The following TASOR variants were observed in gnomAD, a reference collection of about 807,000 sequenced individuals.
TASOR encodes the protein protein TASOR.
Under a neutral mutation model 178.6 loss-of-function variants are expected in TASOR, and 53 were observed. The ratio of observed to expected loss-of-function variants is 0.30; its 90% CI spans 0.24 to 0.37. TASOR has a LOEUF of 0.37. TASOR is among the 10% of genes least tolerant of loss of function. The pLI is 1.00. For missense variants in TASOR, 1,815 were observed against 1,971.4 expected (o/e 0.92, Z 1.50); for synonymous variants, 713 against 696.2 (o/e 1.02, Z -0.38).
intron 11 of TASOR, among the ~76,000 whole-genome samples, chr3:56,653,188 G>C (rs1192433597): frequency 6.8e-6 from 1 of 147,768 alleles, no homozygotes; most frequent in Non-Finnish European, 1.5e-5. Context: ...GCTTGAACCC[G>C]GGAGGTGGAG....
At chr3:56,676,416 T>A (rs1422770137) in intron 1 of TASOR, among the ~76,000 whole-genome samples, 1 of 152,204 alleles carries the variant, frequency 6.6e-6, no homozygotes, top group Non-Finnish European at 1.5e-5. Flanking sequence ...ACCTGTGTTA[T>A]GGAACGTAGG....
At chr3:56,631,106 T>C (rs529033522) in intron 18 of TASOR, among the ~76,000 whole-genome samples, 1 of 152,282 alleles carries the variant, frequency 6.6e-6, no homozygotes, top group Non-Finnish European at 1.5e-5. Flanking sequence ...CATTCAGTCA[T>C]GTAGGGCAAA....
rs1208373954 is a variant in TASOR at position 56,652,316 on chromosome 3, A to C, written c.1369-3259T>G. 2.6e-5 allele frequency among the ~76,000 whole-genome samples: 4 copies of C among 152,288 alleles called. No homozygotes were observed. The South Asian group carries it at 6.2e-4, about 24-fold the overall frequency. ...CTAAAATGGCTGGGCACGGTGGTGC[A>C]CACCTGTAATCCCAGCACTCTGGGA... On this transcript the variant is annotated intron_variant, in intron 11 of 23. Coordinates refer to ENST00000683822, the MANE Select transcript of TASOR (RefSeq NM_001365635.2).
chr3:56,627,311 AATAAT>A (rs1178993800), intron 20 of TASOR, among the ~76,000 whole-genome samples, 166 bp from the exon 21 acceptor site: 2 of 152,164 alleles, frequency 1.3e-5, no homozygotes, highest in African/African-American at 2.4e-5. Flanking sequence ...CTAAAGCTCT[AATAAT>A]ATAACATCTA....
In TASOR at chr3:56,621,959, T is replaced by C; in HGVS notation, c.*1078A>G. On this transcript the variant is annotated 3_prime_UTR_variant, in exon 24 of 24. Transcript: ENST00000683822. ...TGTTCTTTCACACTTTTTATGTAAC[T>C]TAGGAACTGAAATACCACTCATGCA... 6.3e-6 allele frequency: 1 copy of C among 158,356 alleles called. No homozygotes were observed. The highest frequency in any genetic ancestry group is 1.4e-5 in the Non-Finnish European group (1 of 71,914). The allele number at this position is 158,356 out of a possible 1,614,324, so 9.8% of individuals were successfully genotyped here. A position where few individuals can be genotyped will look rare whatever the true frequency, so the allele number is the denominator to read the frequency against.
chr3:56,634,115 T>G, intron 17 of TASOR, 149 bp from the exon 18 acceptor site: 3 of 673,112 alleles, frequency 4.5e-6, no homozygotes, highest in Non-Finnish European at 7.2e-6. Flanking sequence ...AATTCTGGTA[T>G]GAATTCTATT....
chr3:56,630,103 C>A (rs1207091717), intron 18 of TASOR, among the ~76,000 whole-genome samples: 1 of 151,816 alleles, frequency 6.6e-6, no homozygotes, highest in Non-Finnish European at 1.5e-5. Flanking sequence ...GTAGCTGGGA[C>A]TACAGGCACC....
At chr3:56,639,931 A>C in intron 16 of TASOR, 55 bp downstream of exon 16, 20 of 1,505,526 alleles carry the variant, frequency 1.3e-5, no homozygotes, top group Non-Finnish European at 1.5e-5. Flanking sequence ...AACATTCAGG[A>C]AACTGGTCTC....
At chr3:56,659,053 G>T (rs1160597615) in intron 11 of TASOR, among the ~76,000 whole-genome samples, 1 of 151,992 alleles carries the variant, frequency 6.6e-6, no homozygotes, top group African/African-American at 2.4e-5. Context: ...ACTCGCAAGG[G>T]TTTTATAACT....
chr3:56,655,445 C>T (rs956684095), intron 11 of TASOR, among the ~76,000 whole-genome samples: 6 of 152,004 alleles, frequency 3.9e-5, no homozygotes, highest in African/African-American at 1.4e-4. Context: ...ATTAGGCATA[C>T]TAAGAGACTA....
intron 8 of TASOR, among the ~76,000 whole-genome samples, chr3:56,663,053 G>A (rs1374971618): frequency 6.6e-6 from 1 of 151,906 alleles, no homozygotes; most frequent in African/African-American, 2.4e-5. Flanking sequence ...GGTGGTGGGC[G>A]CCTGTAATCC....
In TASOR at chr3:56,682,851, G is replaced by C. The variant is rs2031928755; in HGVS notation, c.156C>G (p.Ser52Arg). Residue 52 changes from serine (S) to arginine (R), a missense_variant, in exon 1 of 24, where the codon AGC becomes AGG. Physicochemically the swap from Ser to Arg is moderately radical, Grantham distance 110 (BLOSUM62 -1). This residue lies in a region of TASOR where 244 missense variants were observed against 202.7 expected (regional missense o/e 1.20). Coordinates refer to ENST00000683822, the MANE Select transcript of TASOR (RefSeq NM_001365635.2). ...GGGGLNIAEP[S>R]GGAGREENAG... ...CGTTCTCCTCACGCCCAGCGCCGCC[G>C]CTGGGCTCAGCGATGTTGAGGCCGC... 1.9e-6 allele frequency: 3 copies of C among 1,550,284 alleles called. No homozygotes were observed. The highest frequency in any genetic ancestry group is 2.6e-6 in the Non-Finnish European group (3 of 1,146,616).
At chr3:56,663,939 A>C in intron 7 of TASOR, 3 of 846,582 alleles carry the variant, frequency 3.5e-6, no homozygotes, top group Non-Finnish European at 4.3e-6. Context: ...ATACATACTA[A>C]GCTCTTATTT....
At position 56,633,728 on chromosome 3, in the gene TASOR, C is replaced by T. The variant is rs778770620; in HGVS notation, c.3063G>A (p.Val1021=). The T allele has an allele frequency of 1.9e-6, 3 of 1,614,038 alleles. No homozygotes were observed. Among genetic ancestry groups the T allele is most frequent in the Non-Finnish European group, 2.5e-6 (3 of 1,180,036 alleles). The change falls in exon 18 of 24, where the codon GTG becomes GTA. Residue 1021 remains valine, a synonymous_variant. Transcript: ENST00000683822. ...TAGAAAAGAGATTGTACTCTCCTAACACTGTCCTCTCTGTGGTTTCGCTCA... is the reference window on the plus strand; with the variant it reads ...TAGAAAAGAGATTGTACTCTCCTAATACTGTCCTCTCTGTGGTTTCGCTCA... The part of the protein sequence containing the change: ...PAVSETTERT[V]LGEYNLFSRK...
At chr3:56,666,436 CTTATAT>C in intron 6 of TASOR, 52 bp from the exon 7 acceptor site, 1 of 1,343,838 alleles carries the variant, frequency 7.4e-7, no homozygotes, top group Non-Finnish European at 9.8e-7. Flanking sequence ...AAGGTGAAAC[CTTATAT>C]TTAACTGCCT....
intron 6 of TASOR, among the ~76,000 whole-genome samples, chr3:56,667,857 G>A (rs962804649): frequency 6.6e-6 from 1 of 152,066 alleles, no homozygotes; most frequent in African/African-American, 2.4e-5. Context: ...CTCATCAAAT[G>A]TTACTCTTAT....
chr3:56,668,560 T>C lies in TASOR; in HGVS notation c.736-2A>G. On this transcript the variant is annotated splice_acceptor_variant, in intron 5 of 23. Transcript: ENST00000683822. LOFTEE classifies it high-confidence loss of function. ...GTCATATATACTCTTTATTTTACCC[T>C]AAAATAGAGAAAACCTTTTAAGTGT... The C allele has an allele frequency of 6.5e-7, 1 of 1,533,098 alleles. No individual in the cohort carries two copies. Among genetic ancestry groups the C allele is most frequent in the Non-Finnish European group, 8.8e-7 (1 of 1,140,038 alleles). 95.0% of individuals were successfully genotyped at this position (1,533,098 alleles called of 1,614,324 possible).
At chr3:56,679,676 G>A (rs1268600784) in intron 1 of TASOR, among the ~76,000 whole-genome samples, 1 of 152,030 alleles carries the variant, frequency 6.6e-6, no homozygotes, top group Non-Finnish European at 1.5e-5. Flanking sequence ...ACCAATAAAC[G>A]TTTTCCAGAA....
At chr3:56,663,943 C>A in intron 7 of TASOR, 2 of 804,342 alleles carry the variant, frequency 2.5e-6, no homozygotes, top group Non-Finnish European at 3.0e-6. Context: ...ATACTAAGCT[C>A]TTATTTACCA....
Sources: gnomAD v4.1 joint callset for allele counts (sites outside exome capture counted in the v4.1 genomes callset) on GRCh38, gnomAD v4.1.1 for gene constraint, gnomAD v4.1.1 regional missense constraint, MANE v1.5 for transcripts, NCBI Gene and HGNC (gene_info 2026-07-23, HGNC 2026-07-21) for gene names.